The following CHL1 variants were observed in gnomAD, a reference collection of about 807,000 sequenced individuals.
The protein encoded by CHL1 is cell adhesion molecule L1 like, also known as neural cell adhesion molecule L1-like protein.
Under a neutral mutation model 141.9 loss-of-function variants are expected in CHL1, and 96 were observed. The observed-to-expected ratio is 0.68, with a 90% CI of 0.57 to 0.80. The LOEUF (loss-of-function observed/expected upper bound fraction) is 0.80, where lower values mean the gene tolerates loss of function less well. CHL1 is among the 30% of genes least tolerant of loss of function. CHL1 has a pLI of 0.00. For missense variants in CHL1, 1,820 were observed against 1,457.2 expected (o/e 1.25, Z -4.05); for synonymous variants, 613 against 502.2 (o/e 1.22, Z -2.95).
chr3:241,968 A>G (rs890580228), intron 1 of CHL1, among the ~76,000 whole-genome samples: 1 of 152,216 alleles, frequency 6.6e-6, no homozygotes, highest in Non-Finnish European at 1.5e-5. Flanking sequence ...TCATGTTAAT[A>G]TAACAAAAAC....
chr3:347,005 A>G (rs575544886), intron 9 of CHL1, among the ~76,000 whole-genome samples: 5 of 152,172 alleles, frequency 3.3e-5, no homozygotes, highest in African/African-American at 7.2e-5. Flanking sequence ...AGATAGGTCT[A>G]TATCTTGGCA....
chr3:283,069 C>A lies in CHL1; in HGVS notation c.-94-36614C>A, dbSNP rs187058213. Among the ~76,000 whole-genome samples the A allele has an allele frequency of 3.2e-3, 494 of 152,290 alleles. 2 individuals are homozygous for A. Among genetic ancestry groups the A allele is most frequent in the African/African-American group, 0.011 (472 of 41,564 alleles). ...TGCCTAATCACATGCAGAACCATTCCATTCACATAGTGAATACATCTCTCA... is the reference window on the plus strand; with the variant it reads ...TGCCTAATCACATGCAGAACCATTCAATTCACATAGTGAATACATCTCTCA... On this transcript the variant is annotated intron_variant, in intron 2 of 27. Transcript: ENST00000256509.
At chr3:343,835 T>C (rs1333120737) in intron 8 of CHL1, among the ~76,000 whole-genome samples, 2 of 152,198 alleles carry the variant, frequency 1.3e-5, no homozygotes, top group Admixed American at 6.5e-5. Flanking sequence ...TGCTATATTT[T>C]CACAGCACTC....
At chr3:306,617 T>C (rs1356754532) in intron 2 of CHL1, among the ~76,000 whole-genome samples, 1 of 152,138 alleles carries the variant, frequency 6.6e-6, no homozygotes, top group African/African-American at 2.4e-5. Flanking sequence ...TGTTTGGTGT[T>C]TAGCATTTTT....
rs1692832588 is a variant in CHL1 at position 243,170 on chromosome 3, G to C, written c.-174-1443G>C. On this transcript the variant is annotated intron_variant, in intron 1 of 27. Transcript: ENST00000256509. ...TCACCTCAGCAAATGGAACAGCAGG[G>C]TCAGCAAATCTCATTTTGAGTCAAC... Among the ~76,000 whole-genome samples the C allele has an allele frequency of 6.6e-5, 10 of 152,256 alleles. No homozygotes were observed. The South Asian group carries it at 2.1e-3, about 32-fold the overall frequency.
chr3:324,098 A>G (rs998091879), intron 3 of CHL1, among the ~76,000 whole-genome samples: 2 of 152,198 alleles, frequency 1.3e-5, no homozygotes, highest in East Asian at 3.9e-4. Flanking sequence ...GCTCTTTGAG[A>G]TGTCTTGTAA....
chr3:394,549 A>G, intron 23 of CHL1, 144 bp from the exon 24 acceptor site: 2 of 627,232 alleles, frequency 3.2e-6, no homozygotes, highest in South Asian at 4.1e-5. Flanking sequence ...AGTTGTATGT[A>G]CCTCATAGGA....
At chr3:337,588 T>G (rs1702002968) in intron 5 of CHL1, among the ~76,000 whole-genome samples, 1 of 147,896 alleles carries the variant, frequency 6.8e-6, no homozygotes, top group South Asian at 2.3e-4. Context: ...CATTGTTCAA[T>G]TCCCACTTAT....
intron 2 of CHL1, among the ~76,000 whole-genome samples, chr3:314,187 G>GGCTGATT (rs1699970891): frequency 6.6e-6 from 1 of 150,910 alleles, no homozygotes; most frequent in Non-Finnish European, 1.5e-5. Context: ...AAATATTTTA[G>GGCTGATT]GCTGATTTCT....
chr3:321,909 T>C (rs1171340933), intron 3 of CHL1, among the ~76,000 whole-genome samples: 1 of 152,080 alleles, frequency 6.6e-6, no homozygotes, highest in Non-Finnish European at 1.5e-5. Context: ...GTAGAATATA[T>C]ATTCTTATAA....
intron 2 of CHL1, among the ~76,000 whole-genome samples, chr3:276,725 T>A (rs1231839538): frequency 6.6e-6 from 1 of 151,500 alleles, no homozygotes; most frequent in Non-Finnish European, 1.5e-5. Flanking sequence ...CCTTCTCTAC[T>A]AAAAATACAA....
chr3:256,580 G>T (rs1459995056), intron 2 of CHL1, among the ~76,000 whole-genome samples: 1 of 152,200 alleles, frequency 6.6e-6, no homozygotes. Context: ...AGAGGCCAAA[G>T]ATGCTGCTAC....
chr3:218,847 T>C (rs542017017), intron 1 of CHL1, among the ~76,000 whole-genome samples: 5 of 152,242 alleles, frequency 3.3e-5, no homozygotes, highest in South Asian at 2.1e-4. Context: ...ATGGTTATAA[T>C]TGAAAAGTCA....
rs772617465 is a variant in CHL1, at chr3:382,542, G to C, written c.2047G>C (p.Gly683Arg). 1 of 1,613,892 alleles carries C rather than the reference G, an allele frequency of 6.2e-7. No individual in the cohort carries two copies. The highest frequency in any genetic ancestry group is 1.1e-5 in the South Asian group (1 of 91,076). Residue 683 changes from glycine (G) to arginine (R), a missense_variant, in exon 18 of 28, where the codon GGA becomes CGA. Physicochemically the swap from Gly to Arg is moderately radical, Grantham distance 125. Coordinates refer to ENST00000256509, the MANE Select transcript of CHL1 (RefSeq NM_006614.4). ...GTGGGAGGAACTGACCAGAGTCCAA[G>C]GAAAGAAAACCACAGTTATCTTACC... Reference protein sequence around the residue: ...GRWEELTRVQGKKTTVILPLA... With the variant: ...GRWEELTRVQRKKTTVILPLA...
chr3:242,415 T>A (rs1488606432), intron 1 of CHL1, among the ~76,000 whole-genome samples: 1 of 137,952 alleles, frequency 7.2e-6, no homozygotes, highest in Non-Finnish European at 1.6e-5. Flanking sequence ...GCTAACACGG[T>A]GAAACCCCGT....
At chr3:287,605 A>G (rs570638682) in intron 2 of CHL1, among the ~76,000 whole-genome samples, 1 of 152,220 alleles carries the variant, frequency 6.6e-6, no homozygotes, top group Non-Finnish European at 1.5e-5. Flanking sequence ...TTAACTCTTT[A>G]GGTAATATTT....
chr3:239,919 G>A (rs1332005538), intron 1 of CHL1, among the ~76,000 whole-genome samples: 1 of 152,112 alleles, frequency 6.6e-6, no homozygotes, highest in Non-Finnish European at 1.5e-5. Flanking sequence ...TGTGAATGCG[G>A]TTAATTTCCT....
chr3:204,817 A>T (rs1459298784), intron 1 of CHL1, among the ~76,000 whole-genome samples: 1 of 151,982 alleles, frequency 6.6e-6, no homozygotes, highest in Non-Finnish European at 1.5e-5. Flanking sequence ...AAAAATCATA[A>T]TGTCTTGCAT....
chr3:199,825 C>G (rs1698753450), intron 1 of CHL1, among the ~76,000 whole-genome samples: 1 of 152,114 alleles, frequency 6.6e-6, no homozygotes, highest in South Asian at 2.1e-4. Context: ...ATAATTTAGC[C>G]TGATTCGCTT....
Sources: allele counts gnomAD v4.1 joint callset (sites outside exome capture counted in the v4.1 genomes callset), GRCh38; gene constraint gnomAD v4.1.1; transcripts MANE v1.5; gene names NCBI Gene and HGNC (gene_info 2026-07-23, HGNC 2026-07-21).